Variants in SLC8A2 observed in about 807,000 individuals in gnomAD.
SLC8A2 encodes sodium/calcium exchanger 2.
SLC8A2 carries 14 observed loss-of-function variants against 70.2 expected under a neutral mutation model. The observed-to-expected ratio is 0.20, with a 90% confidence interval of 0.13 to 0.31. The LOEUF is 0.31. SLC8A2 is among the 10% of genes least tolerant of loss of function. The probability of loss-of-function intolerance (pLI) is 1.00; values close to 1 mark genes in which losing one functional copy is unlikely to be tolerated. For missense variants in SLC8A2, 779 were observed against 1,320.1 expected (o/e 0.59, Z 6.35); for synonymous variants, 575 against 594.3 (o/e 0.97, Z 0.47).
At position 47,457,066 on chromosome 19, in the gene SLC8A2, G is replaced by A. The variant is rs774963581; in HGVS notation, c.1204C>T (p.Leu402Phe). The A allele has an allele frequency of 3.8e-6, 6 of 1,595,220 alleles. No individual in the cohort carries two copies. The South Asian group carries it at 6.8e-5, about 18-fold the overall frequency. The stretch of plus-strand genomic sequence containing the variant: ...CCGCAGTTCTCCAGGCAGTGGTAGA[G>A]GCTAGGCTCGAAGAAGATGCGGCTG... ...GASRIFFEPS[L>F]YHCLENCGSV... The change falls in exon 3 of 10, where the codon CTC (leucine) becomes TTC (phenylalanine). Residue 402 changes from leucine (L) to phenylalanine (F), a missense_variant. Leu to Phe is a conservative substitution (Grantham distance 22, BLOSUM62 0). Around this residue, in one of 6 missense-constraint regions of SLC8A2, gnomAD observed 186 missense variants for 246.6 expected, o/e 0.75. Transcript: ENST00000236877.
In SLC8A2 at chr19:47,448,295, G is replaced by T; in HGVS notation, c.1341-64C>A. The T allele has an allele frequency of 2.3e-6, 3 of 1,289,982 alleles. No homozygotes were observed. In the East Asian group the frequency reaches 7.0e-5, roughly 30 times the overall value. 79.9% of individuals were successfully genotyped at this position (1,289,982 alleles called of 1,614,324 possible). On this transcript the variant is annotated intron_variant, in intron 3 of 9. Coordinates refer to ENST00000236877, the MANE Select transcript of SLC8A2 (RefSeq NM_015063.3). The surrounding 1 kb of genome is among the most constrained non-coding windows in gnomAD (Gnocchi z 4.8). ...TCGGTCATCGGCTGTGTGTTGTACG[G>T]GGGGAGTCTGGACGTGCTTCCCAGA... is the stretch of plus-strand genomic sequence containing the variant.
intron 1 of SLC8A2, among the ~76,000 whole-genome samples, chr19:47,469,636 A>C (rs1424066344): frequency 6.6e-6 from 1 of 152,108 alleles, no homozygotes; most frequent in East Asian, 1.9e-4. Context: ...GCACTAGATA[A>C]ATATTTGTGA....
intron 3 of SLC8A2, among the ~76,000 whole-genome samples, chr19:47,454,414 C>G (rs966938356): frequency 1.3e-5 from 2 of 152,156 alleles, no homozygotes; most frequent in Non-Finnish European, 2.9e-5. Context: ...CCAAAGGGAT[C>G]CCATGCTGCA....
intron 8 of SLC8A2, among the ~76,000 whole-genome samples, chr19:47,433,672 C>T (rs1291674150): frequency 6.7e-6 from 1 of 149,964 alleles, no homozygotes; most frequent in Non-Finnish European, 1.5e-5. Context: ...TTTTTTGAGA[C>T]AGAGCCTCCC....
chr19:47,460,219 C>T (rs911643938), intron 2 of SLC8A2, among the ~76,000 whole-genome samples: 1 of 152,180 alleles, frequency 6.6e-6, no homozygotes, highest in African/African-American at 2.4e-5. Context: ...TCTTCTGCCT[C>T]ATAAAACCAG....
Position 47,466,248 on chromosome 19 carries a change from C to T in SLC8A2, c.156G>A (p.Gly52=), listed in dbSNP as rs766014054. 62 of 1,598,840 alleles carry T rather than the reference C, an allele frequency of 3.9e-5. No individual in the cohort carries two copies. The highest frequency in any genetic ancestry group is 3.4e-4 in the East Asian group (15 of 44,616). ...CGGGCTCCCACACGGGCAGCAGCAC[C>T]CCCGGCTGGCAGCGGTAGGACCCCT... ...GCQGSYRCQP[G]VLLPVWEPDD... is the part of the protein sequence containing the mutation. The change falls in exon 2 of 10, where the codon GGG becomes GGA. Residue 52 remains glycine (G), a synonymous_variant. Coordinates refer to ENST00000236877, the MANE Select transcript of SLC8A2 (RefSeq NM_015063.3). The surrounding 1 kb of genome is among the most constrained non-coding windows in gnomAD (Gnocchi z 6.9).
In SLC8A2 at chr19:47,429,957, G is replaced by T. The variant is rs1966929934; in HGVS notation, c.*132C>A. The T allele has an allele frequency of 1.2e-6, 1 of 854,126 alleles. No homozygotes were observed. The allele number at this position is 854,126 out of a possible 1,614,324, so 52.9% of individuals were successfully genotyped here. On this transcript the variant is annotated 3_prime_UTR_variant, in exon 10 of 10. Coordinates refer to ENST00000236877, the MANE Select transcript of SLC8A2 (RefSeq NM_015063.3). ...CAGGGCAATCAAAGCCAGGGGAGGG[G>T]GCGGAGAAGGGAGGCCGAGTCCCAG...
chr19:47,457,165 G>C lies in SLC8A2; in HGVS notation c.1105C>G (p.Arg369Gly). ...CGCGAGGCGTCCGCCGCGTGTCTGC[G>C]CAGCACGTTCCCGGCGCCGGTCATC... ...RLMTGAGNVL[R>G]RHAADASRRA... Residue 369 changes from arginine to glycine, a missense_variant, in exon 3 of 10, where the codon CGC becomes GGC. By Grantham distance (125) the Arg-to-Gly change is moderately radical. This residue lies in a region of SLC8A2 where 186 missense variants were observed against 246.6 expected (regional missense o/e 0.75). Transcript: ENST00000236877. The C allele has an allele frequency of 6.5e-7, 1 of 1,544,696 alleles. No individual in the cohort carries two copies. The highest frequency in any genetic ancestry group is 8.7e-7 in the Non-Finnish European group (1 of 1,145,144).
In SLC8A2 at chr19:47,459,228, G is replaced by A. The variant is rs192184623; in HGVS notation, c.676-1634C>T. Among the ~76,000 whole-genome samples the A allele has an allele frequency of 2.9e-3, 444 of 150,662 alleles. 3 individuals carry two copies. The highest frequency in any genetic ancestry group is 0.01 in the African/African-American group (416 of 40,918). ...GTTCTCTCTCTCTCTGTCCCTGTTC[G>A]TCTCTGCCTCTCTCCATCGCTCTCT... On this transcript the variant is annotated intron_variant, in intron 2 of 9. Coordinates refer to ENST00000236877, the MANE Select transcript of SLC8A2 (RefSeq NM_015063.3).
Position 47,466,054 on chromosome 19 carries a change from C to A in SLC8A2, c.350G>T (p.Ser117Ile). The A allele has an allele frequency of 6.2e-7, 1 of 1,614,178 alleles. No individual in the cohort carries two copies. The highest frequency in any genetic ancestry group is 8.5e-7 in the Non-Finnish European group (1 of 1,180,030). Residue 117 changes from serine (S) to isoleucine (I), a missense_variant, in exon 2 of 10, where the codon AGC becomes ATC. By Grantham distance (142) the Ser-to-Ile change is moderately radical. Around this residue, in one of 6 missense-constraint regions of SLC8A2, gnomAD observed 155 missense variants for 318.6 expected, o/e 0.49. Coordinates refer to ENST00000236877, the MANE Select transcript of SLC8A2 (RefSeq NM_015063.3). The surrounding 1 kb of genome is among the most constrained non-coding windows in gnomAD (Gnocchi z 6.9). ...ATTCCAGATGCGAACGGTGCCCACG[C>A]TGGTCTCACCGTTGGCCTTGGTGAT... ...ITITKANGET[S>I]VGTVRIWNET...
At chr19:47,445,326 C>T (rs139988075) in intron 4 of SLC8A2, among the ~76,000 whole-genome samples, 1 of 152,254 alleles carries the variant, frequency 6.6e-6, no homozygotes, top group Non-Finnish European at 1.5e-5. Flanking sequence ...TCAGGCTGGT[C>T]TCGAACTCCT....
At chr19:47,446,494 C>T (rs1967164383) in intron 4 of SLC8A2, among the ~76,000 whole-genome samples, 1 of 152,058 alleles carries the variant, frequency 6.6e-6, no homozygotes, top group Non-Finnish European at 1.5e-5. Context: ...AGTGGGTGAT[C>T]ACAGCTCACT....
chr19:47,466,789 C>A lies in SLC8A2; in HGVS notation c.-16-370G>T, dbSNP rs910343193. Reference sequence around the variant, plus strand: ...ACCTACAAGAATGTTCATAGCAGGCCGGGTGCGGTGGCTACGCCTGTAATC... The same window carrying A: ...ACCTACAAGAATGTTCATAGCAGGCAGGGTGCGGTGGCTACGCCTGTAATC... On this transcript the variant is annotated intron_variant, in intron 1 of 9. Transcript: ENST00000236877. This position sits in a 1 kb window ranked among gnomAD's most constrained non-coding sequence, Gnocchi z 6.9. Among the ~76,000 whole-genome samples, 4 of 152,072 alleles carry A rather than the reference C, an allele frequency of 2.6e-5. No individual in the cohort carries two copies. The highest frequency in any genetic ancestry group is 9.7e-5 in the African/African-American group (4 of 41,392).
Position 47,448,378 on chromosome 19 carries a change from A to G in SLC8A2, c.1341-147T>C. On this transcript the variant is annotated intron_variant, in intron 3 of 9. Transcript: ENST00000236877. This position sits in a 1 kb window ranked among gnomAD's most constrained non-coding sequence, Gnocchi z 4.8. ...TATGAGGGTCGACAGGCATTAAACA[A>G]GTAATACTGAGGGTGAATCGGGGTG... The G allele has an allele frequency of 6.3e-6, 4 of 632,456 alleles. No individual in the cohort carries two copies. The highest frequency in any genetic ancestry group is 1.1e-5 in the Non-Finnish European group (4 of 367,462). 39.2% of individuals were successfully genotyped at this position (632,456 alleles called of 1,614,324 possible).
Position 47,447,690 on chromosome 19 carries a change from C to A in SLC8A2, c.1763+119G>T. ...CACGCAGGCCCCTCCCCTCCCGAGGCCCAACCAAGACCCGCCCACTATGTG... is the reference window on the plus strand; with the variant it reads ...CACGCAGGCCCCTCCCCTCCCGAGGACCAACCAAGACCCGCCCACTATGTG... On this transcript the variant is annotated intron_variant, in intron 4 of 9. Transcript: ENST00000236877. The surrounding 1 kb of genome is among the most constrained non-coding windows in gnomAD (Gnocchi z 5.1). 8.9e-7 allele frequency: 1 copy of A among 1,122,308 alleles called. No individual in the cohort carries two copies. 69.5% of individuals were successfully genotyped at this position (1,122,308 alleles called of 1,614,324 possible).
chr19:47,471,431 C>A (rs1442602562), intron 1 of SLC8A2, among the ~76,000 whole-genome samples: 1 of 151,482 alleles, frequency 6.6e-6, no homozygotes, highest in Admixed American at 6.6e-5. Flanking sequence ...AGACAGAGAC[C>A]CCTGAGACAT....
At chr19:47,431,091 C>T (rs1966952141) in intron 9 of SLC8A2, among the ~76,000 whole-genome samples, 1 of 151,944 alleles carries the variant, frequency 6.6e-6, no homozygotes, top group South Asian at 2.1e-4. Flanking sequence ...TACAGTGGTG[C>T]GATCATGGCT....
intron 8 of SLC8A2, 71 bp downstream of exon 8, chr19:47,437,391 C>A: frequency 1.8e-6 from 2 of 1,112,932 alleles, no homozygotes; most frequent in South Asian, 1.3e-5. Context: ...TCTCTCCATT[C>A]ATTTCTCCCC....
At position 47,429,437 on chromosome 19, in the gene SLC8A2, C is replaced by T. The variant is rs542979601; in HGVS notation, c.*652G>A. On this transcript the variant is annotated 3_prime_UTR_variant, in exon 10 of 10. Transcript: ENST00000236877. ...TCCGGCTAAGCCCTGGGACTGAAACCCCAAACTTCTCCCCTCGTCTCCGAG... is the reference window on the plus strand; with the variant it reads ...TCCGGCTAAGCCCTGGGACTGAAACTCCAAACTTCTCCCCTCGTCTCCGAG... The T allele has an allele frequency of 5.0e-4, 76 of 153,096 alleles. No individual in the cohort carries two copies. Among genetic ancestry groups the T allele is most frequent in the Non-Finnish European group, 8.9e-4 (61 of 68,364 alleles). The allele number at this position is 153,096 out of a possible 1,614,324, so 9.5% of individuals were successfully genotyped here.
Sources: gnomAD v4.1 joint callset for allele counts (sites outside exome capture counted in the v4.1 genomes callset) on GRCh38, gnomAD v4.1.1 for gene constraint, gnomAD v4.1.1 regional missense constraint, Gnocchi (gnomAD v3.1) non-coding constraint, MANE v1.5 for transcripts, NCBI Gene and HGNC (gene_info 2026-07-23, HGNC 2026-07-21) for gene names.